CALN1: variants seen among roughly 807,000 people sequenced by gnomAD.
CALN1 encodes the protein calneuron 1.
CALN1 carries 17 observed loss-of-function variants against 30.6 expected under a neutral mutation model. The ratio of observed to expected loss-of-function variants is 0.56; its 90% confidence interval spans 0.38 to 0.83. The LOEUF is 0.83. Ranked by LOEUF, CALN1 falls within the 40% of genes least tolerant of loss-of-function variation. The pLI, the probability that CALN1 is intolerant of heterozygous loss-of-function variation, is 0.00. For synonymous variants in CALN1, 156 were observed against 131.4 expected, an observed-to-expected ratio of 1.19 and a Z score of -1.28; for missense variants, 291 against 354.9, an observed-to-expected ratio of 0.82 and a Z score of 1.45.
the CALN1 span, among the ~76,000 whole-genome samples, chr7:72,458,204 A>C: frequency 2.5e-3 from 247 of 100,234 alleles, 7 homozygotes; most frequent in African/African-American, 5.5e-3. Flanking sequence ...ATAATATATA[A>C]TATATTTTAT....
intron 2 of CALN1, among the ~76,000 whole-genome samples, chr7:72,383,232 ATG>A (rs1805017548): frequency 6.6e-6 from 1 of 152,198 alleles, no homozygotes; most frequent in Non-Finnish European, 1.5e-5. Context: ...GTAACGGTAC[ATG>A]TGTCTTCCTG....
At chr7:72,336,369 G>T (rs1372765370) in intron 2 of CALN1, among the ~76,000 whole-genome samples, 2 of 152,138 alleles carry the variant, frequency 1.3e-5, no homozygotes, top group African/African-American at 4.8e-5. Flanking sequence ...GCGCCTGGGG[G>T]CTAGAAGAGC....
chr7:71,937,200 G>A (rs1795883655), intron 5 of CALN1, among the ~76,000 whole-genome samples: 1 of 149,682 alleles, frequency 6.7e-6, no homozygotes, highest in Non-Finnish European at 1.5e-5. Context: ...CCAGCTCCTT[G>A]GGAGGCTGCT....
chr7:71,974,733 C>T (rs965862224), intron 5 of CALN1, among the ~76,000 whole-genome samples: 13 of 152,174 alleles, frequency 8.5e-5, no homozygotes, highest in African/African-American at 1.9e-4. Context: ...CAGCCACAGA[C>T]GTTCTTTTCC....
chr7:72,259,785 T>TA (rs1796149409), intron 3 of CALN1, among the ~76,000 whole-genome samples: 1 of 152,242 alleles, frequency 6.6e-6, no homozygotes, highest in Non-Finnish European at 1.5e-5. Context: ...TTCCTCAGTC[T>TA]AAGCCCTTTC....
intron 3 of CALN1, among the ~76,000 whole-genome samples, chr7:72,262,017 T>G (rs1796302188): frequency 6.6e-6 from 1 of 152,206 alleles, no homozygotes; most frequent in Non-Finnish European, 1.5e-5. Flanking sequence ...AGCTTCGCTC[T>G]TCAAACACCA....
chr7:72,232,403 T>C (rs1458495884), intron 3 of CALN1, among the ~76,000 whole-genome samples: 1 of 152,186 alleles, frequency 6.6e-6, no homozygotes, highest in Non-Finnish European at 1.5e-5. Flanking sequence ...TAAGAGATGG[T>C]TAAATAAGTT....
chr7:72,061,979 C>T (rs1803686657), intron 4 of CALN1, among the ~76,000 whole-genome samples: 1 of 151,998 alleles, frequency 6.6e-6, no homozygotes, highest in Non-Finnish European at 1.5e-5. Context: ...CAACAGAAAG[C>T]AATGATTCCA....
At chr7:72,346,017 T>C (rs542025171) in intron 2 of CALN1, among the ~76,000 whole-genome samples, 9 of 152,214 alleles carry the variant, frequency 5.9e-5, no homozygotes, top group Admixed American at 2.0e-4. Flanking sequence ...ACTGGATTTA[T>C]ATAAAACAGA....
At chr7:71,996,894 G>C (rs1799280183) in intron 5 of CALN1, among the ~76,000 whole-genome samples, 1 of 151,734 alleles carries the variant, frequency 6.6e-6, no homozygotes. Flanking sequence ...TTATAAAAAA[G>C]AACCAGCTGG....
At chr7:71,875,072 C>A (rs751407792) in intron 5 of CALN1, among the ~76,000 whole-genome samples, 2 of 145,976 alleles carry the variant, frequency 1.4e-5, no homozygotes, top group Non-Finnish European at 3.0e-5. Context: ...GGCTGAAGCA[C>A]CAGAATCACT....
At chr7:71,925,768 T>G (rs764743959) in intron 5 of CALN1, among the ~76,000 whole-genome samples, 1 of 152,084 alleles carries the variant, frequency 6.6e-6, no homozygotes, top group African/African-American at 2.4e-5. Context: ...AGCAGGATGT[T>G]GAGCTTTCTC....
chr7:72,028,117 A>G (rs1801206840), intron 4 of CALN1, among the ~76,000 whole-genome samples: 1 of 149,000 alleles, frequency 6.7e-6, no homozygotes, highest in Non-Finnish European at 1.5e-5. Flanking sequence ...TATGCCCACC[A>G]GGCTGCTCCT....
chr7:72,233,331 G>C (rs1794246919), intron 3 of CALN1, among the ~76,000 whole-genome samples: 1 of 152,090 alleles, frequency 6.6e-6, no homozygotes, highest in Admixed American at 6.6e-5. Flanking sequence ...GACGGTCTCG[G>C]GGAGTTGCCT....
rs1345371422 is a variant in CALN1 at position 71,786,165 on chromosome 7, A to C, written c.*1610T>G. ...GCAGTAGGGAGAAAGCTGAGCAGGA[A>C]GACAGGGAGGGAGATCAGGAACACA... is the stretch of plus-strand genomic sequence containing the variant. On this transcript the variant is annotated 3_prime_UTR_variant, in exon 7 of 7. Coordinates refer to ENST00000395275, the MANE Select transcript of CALN1 (RefSeq NM_031468.4). 2 of 152,356 alleles carry C rather than the reference A, an allele frequency of 1.3e-5. No individual in the cohort carries two copies. The highest frequency in any genetic ancestry group is 2.9e-5 in the Non-Finnish European group (2 of 68,082). 9.4% of individuals were successfully genotyped at this position (152,356 alleles called of 1,614,324 possible).
chr7:72,378,835 T>C (rs1804721173), intron 2 of CALN1, among the ~76,000 whole-genome samples: 1 of 152,174 alleles, frequency 6.6e-6, no homozygotes, highest in African/African-American at 2.4e-5. Flanking sequence ...CCCAAAGTGC[T>C]GCAATTACAG....
chr7:72,053,528 C>T lies in CALN1; in HGVS notation c.389-29759G>A, dbSNP rs774015024. On this transcript the variant is annotated intron_variant, in intron 4 of 6. Coordinates refer to ENST00000395275, the MANE Select transcript of CALN1 (RefSeq NM_031468.4). ...CTGAACTGATTTACACTCCCACCAA[C>T]ATATATGAGTGTTCCCTTTACTCCC... 7.9e-5 allele frequency among the ~76,000 whole-genome samples: 12 copies of T among 152,192 alleles called. 1 individual carries two copies. The South Asian group carries it at 8.3e-4, about 11-fold the overall frequency.
At chr7:71,812,214 G>A (rs550827603) in intron 5 of CALN1, among the ~76,000 whole-genome samples, 1 of 152,272 alleles carries the variant, frequency 6.6e-6, no homozygotes, top group Admixed American at 6.5e-5. Flanking sequence ...ACCCTGTGTT[G>A]TTATGAACCA....
At chr7:72,005,509 T>A (rs1018644255) in intron 5 of CALN1, among the ~76,000 whole-genome samples, 3 of 151,888 alleles carry the variant, frequency 2.0e-5, no homozygotes, top group African/African-American at 4.8e-5. Flanking sequence ...ATGCATTTTT[T>A]AAATAGAGAT....
Sources: allele counts gnomAD v4.1 joint callset (sites outside exome capture counted in the v4.1 genomes callset), GRCh38; gene constraint gnomAD v4.1.1; transcripts MANE v1.5; gene names NCBI Gene and HGNC (gene_info 2026-07-23, HGNC 2026-07-21).